Variants in DACH1 observed in about 807,000 individuals in gnomAD.
DACH1 encodes the protein dachshund family transcription factor 1.
In DACH1, 12 loss-of-function variants were observed where a neutral mutation model predicts 54.2. The ratio of observed to expected loss-of-function variants is 0.22; its 90% CI spans 0.14 to 0.36. DACH1 has a LOEUF of 0.36. DACH1 is among the 10% of genes least tolerant of loss of function. DACH1 has a pLI of 1.00. For missense variants in DACH1, 805 were observed against 929.8 expected (o/e 0.87, Z 1.75); for synonymous variants, 386 against 366.2 (o/e 1.05, Z -0.62).
chr13:71,866,387 A>ACGCCGCCGCCAGCGCTGATGC lies in DACH1; in HGVS notation c.362_382dup (p.Gly121_Gly127dup). 17 of 1,490,286 alleles carry ACGCCGCCGCCAGCGCTGATGC rather than the reference A, an allele frequency of 1.1e-5. No homozygotes were observed. The highest frequency in any genetic ancestry group is 1.5e-5 in the Non-Finnish European group (17 of 1,115,740). 92.3% of individuals were successfully genotyped at this position (1,490,286 alleles called of 1,614,324 possible). A position where few individuals can be genotyped will look rare whatever the true frequency, so the allele number is the denominator to read the frequency against. On this transcript the variant is annotated inframe_insertion, in exon 1 of 11. Coordinates refer to ENST00000613252, the MANE Select transcript of DACH1 (RefSeq NM_080759.6). Reference sequence around the variant, plus strand: ...GGCGTTGATGGGGGTGCTGGAAGCGACGCCGCCGCCAGCGCTGATGCCGCC... The same window carrying ACGCCGCCGCCAGCGCTGATGC: ...GGCGTTGATGGGGGTGCTGGAAGCGACGCCGCCGCCAGCGCTGATGCCGCCGCCGCCAGCGCTGATGCCGCC...
chr13:71,639,750 AGCTCACC>A (rs1877756579), intron 2 of DACH1, among the ~76,000 whole-genome samples: 4 of 152,048 alleles, frequency 2.6e-5, no homozygotes, highest in African/African-American at 4.8e-5. Context: ...GCTTTTGAAA[AGCTCACC>A]TTCTGATCAC....
chr13:71,821,343 T>C (rs1422378957), intron 1 of DACH1, among the ~76,000 whole-genome samples: 1 of 150,048 alleles, frequency 6.7e-6, no homozygotes, highest in African/African-American at 2.4e-5. Flanking sequence ...AAGTCCCTCC[T>C]GTGTGCCTCA....
rs538753327 is a variant in DACH1 at position 71,866,566 on chromosome 13, G to GGCC, written c.201_203dup (p.Ala68dup). ...CGCCGCCGCCGGTAGAGGTGACTGT[G>GGCC]GCCGCCGCCGCCGCCGCCGAAGCGA... is the stretch of plus-strand genomic sequence containing the variant. On this transcript the variant is annotated inframe_insertion, in exon 1 of 11. Coordinates refer to ENST00000613252, the MANE Select transcript of DACH1 (RefSeq NM_080759.6). The GGCC allele has an allele frequency of 1.4e-3, 1,770 of 1,256,302 alleles. 19 individuals are homozygous for GGCC. The African/African-American group carries it at 0.024, about 17-fold the overall frequency. The allele number at this position is 1,256,302 out of a possible 1,614,324, so 77.8% of individuals were successfully genotyped here. A position where few individuals can be genotyped will look rare whatever the true frequency, so the allele number is the denominator to read the frequency against.
chr13:71,865,527 G>C (rs1417002731), intron 1 of DACH1, among the ~76,000 whole-genome samples: 1 of 152,148 alleles, frequency 6.6e-6, no homozygotes, highest in Non-Finnish European at 1.5e-5. Flanking sequence ...CCTGGGGAGC[G>C]CACGAACGCG....
intron 1 of DACH1, among the ~76,000 whole-genome samples, chr13:71,806,759 T>C (rs1005261961): frequency 6.6e-6 from 1 of 152,196 alleles, no homozygotes; most frequent in African/African-American, 2.4e-5. Context: ...CACTAACTTA[T>C]CATGGTATCA....
intron 1 of DACH1, among the ~76,000 whole-genome samples, chr13:71,774,694 G>A (rs1885991960): frequency 6.6e-6 from 1 of 152,106 alleles, no homozygotes; most frequent in Non-Finnish European, 1.5e-5. Flanking sequence ...TGTGCTCATT[G>A]TATTAGATCA....
chr13:71,816,594 AC>A (rs1437884729), intron 1 of DACH1, among the ~76,000 whole-genome samples: 2 of 102,012 alleles, frequency 2.0e-5, no homozygotes, highest in African/African-American at 6.5e-5. Flanking sequence ...ATATATATAC[AC>A]ACATATGTGT....
intron 7 of DACH1, among the ~76,000 whole-genome samples, chr13:71,479,803 C>T (rs908407083): frequency 1.3e-5 from 2 of 152,102 alleles, no homozygotes; most frequent in African/African-American, 4.8e-5. Context: ...CCTTTTGGTT[C>T]CTCAATGCAA....
In DACH1 at chr13:71,638,788, T is replaced by C. The variant is rs199566388; in HGVS notation, c.965-8071A>G. 4.6e-5 allele frequency among the ~76,000 whole-genome samples: 7 copies of C among 152,314 alleles called. No homozygotes were observed. In the South Asian group the frequency reaches 1.2e-3, roughly 27 times the overall value. ...GCATTTTGTGCATTAAATACACTTATTCATTTAAACCTTTCAGCTATTTTT... is the reference window on the plus strand; with the variant it reads ...GCATTTTGTGCATTAAATACACTTACTCATTTAAACCTTTCAGCTATTTTT... On this transcript the variant is annotated intron_variant, in intron 2 of 10. Transcript: ENST00000613252.
At chr13:71,527,885 A>G (rs1882115674) in intron 6 of DACH1, among the ~76,000 whole-genome samples, 1 of 152,118 alleles carries the variant, frequency 6.6e-6, no homozygotes, top group Non-Finnish European at 1.5e-5. Context: ...AAAAAAAATG[A>G]CAAAGGTCTT....
chr13:71,595,639 C>T (rs1276243401), intron 3 of DACH1, among the ~76,000 whole-genome samples: 1 of 152,078 alleles, frequency 6.6e-6, no homozygotes, highest in Non-Finnish European at 1.5e-5. Flanking sequence ...GACTTGTTGG[C>T]TTAAACAACA....
In DACH1 at chr13:71,549,667, T is replaced by C. The variant is rs537246029; in HGVS notation, c.1570+7357A>G. 2.6e-4 allele frequency among the ~76,000 whole-genome samples: 39 copies of C among 152,298 alleles called. 1 individual carries two copies. In the South Asian group the frequency reaches 6.8e-3, roughly 27 times the overall value. ...TAAATGACTCTATTTTTAAATATAA[T>C]ATTCATATTGCTTGTATGATAAATT... On this transcript the variant is annotated intron_variant, in intron 6 of 10. Coordinates refer to ENST00000613252, the MANE Select transcript of DACH1 (RefSeq NM_080759.6).
chr13:71,651,092 T>C lies in DACH1; in HGVS notation c.965-20375A>G, dbSNP rs141547652. Reference sequence around the variant, plus strand: ...AGCAAAATACAGTTTTGGTAATCATTGTACTAAAAGACATACAATTGCTAT... The same window carrying C: ...AGCAAAATACAGTTTTGGTAATCATCGTACTAAAAGACATACAATTGCTAT... On this transcript the variant is annotated intron_variant, in intron 2 of 10. Coordinates refer to ENST00000613252, the MANE Select transcript of DACH1 (RefSeq NM_080759.6). 3.4e-4 allele frequency among the ~76,000 whole-genome samples: 52 copies of C among 152,270 alleles called. No homozygotes were observed. The East Asian group carries it at 6.4e-3, about 19-fold the overall frequency.
chr13:71,831,908 T>C (rs1168284052), intron 1 of DACH1, among the ~76,000 whole-genome samples: 1 of 151,926 alleles, frequency 6.6e-6, no homozygotes, highest in Non-Finnish European at 1.5e-5. Flanking sequence ...GCTCTCTTTA[T>C]GGTGGGAACA....
At chr13:71,590,080 A>C (rs139400707) in intron 3 of DACH1, among the ~76,000 whole-genome samples, 146 of 152,218 alleles carry the variant, frequency 9.6e-4, no homozygotes, top group Middle Eastern at 3.4e-3. Context: ...AAAGAGGTGA[A>C]AATTAATATA....
intron 3 of DACH1, among the ~76,000 whole-genome samples, chr13:71,608,493 ACT>A (rs1875056956): frequency 6.6e-6 from 1 of 152,014 alleles, no homozygotes; most frequent in East Asian, 1.9e-4. Flanking sequence ...TCTATATTAG[ACT>A]TTTAGACAGT....
At chr13:71,511,243 A>G (rs1196158756) in intron 6 of DACH1, among the ~76,000 whole-genome samples, 3 of 152,008 alleles carry the variant, frequency 2.0e-5, no homozygotes, top group Non-Finnish European at 2.9e-5. Context: ...ACTACTATTT[A>G]TAACCTTGTT....
chr13:71,644,756 CT>C (rs1210115453), intron 2 of DACH1, among the ~76,000 whole-genome samples: 1 of 152,116 alleles, frequency 6.6e-6, no homozygotes, highest in East Asian at 1.9e-4. Context: ...TCTTGGCCAC[CT>C]TTGAATCTGA....
At chr13:71,575,591 A>G (rs182687380) in intron 3 of DACH1, among the ~76,000 whole-genome samples, 2 of 152,200 alleles carry the variant, frequency 1.3e-5, no homozygotes, top group East Asian at 1.9e-4. Flanking sequence ...ATATTATCTT[A>G]AAATTCTGAT....
Sources: gnomAD v4.1 joint callset for allele counts (sites outside exome capture counted in the v4.1 genomes callset) on GRCh38, gnomAD v4.1.1 for gene constraint, MANE v1.5 for transcripts, NCBI Gene and HGNC (gene_info 2026-07-23, HGNC 2026-07-21) for gene names.